The following ZNF831 variants were observed in gnomAD, a reference collection of about 807,000 sequenced individuals.
ZNF831 encodes zinc finger protein 831.
A neutral mutation model predicts 95.8 loss-of-function variants in ZNF831; 59 were observed. That is an observed-to-expected ratio of 0.62 (90% CI 0.50 to 0.77). The LOEUF (loss-of-function observed/expected upper bound fraction) is 0.77, where lower values mean the gene tolerates loss of function less well. ZNF831 is among the 30% of genes least tolerant of loss of function. The probability of loss-of-function intolerance (pLI) is 0.00; values close to 1 mark genes in which losing one functional copy is unlikely to be tolerated. For synonymous variants in ZNF831, 961 were observed against 925.5 expected, an observed-to-expected ratio of 1.04 and a Z score of -0.70; for missense variants, 2,205 against 2,164.0, an observed-to-expected ratio of 1.02 and a Z score of -0.38.
intron 4 of ZNF831, among the ~76,000 whole-genome samples, chr20:59,250,651 A>G (rs1431311614): frequency 1.1e-4 from 17 of 152,204 alleles, no homozygotes; most frequent in Non-Finnish European, 2.5e-4. Context: ...AACGACAACA[A>G]CAACAACCCA....
chr20:59,256,325 T>C lies in ZNF831; in HGVS notation c.*1582T>C, dbSNP rs1446093468. 1 of 152,188 alleles carries C rather than the reference T, an allele frequency of 6.6e-6. No individual in the cohort carries two copies. Among genetic ancestry groups the C allele is most frequent in the African/African-American group, 2.4e-5 (1 of 41,442 alleles). 9.4% of individuals were successfully genotyped at this position (152,188 alleles called of 1,614,324 possible). On this transcript the variant is annotated 3_prime_UTR_variant, in exon 6 of 6. Transcript: ENST00000371030. Reference sequence around the variant, plus strand: ...ACCATTTCATATGCACTCATAAATATCCAAGGATTTCAGGCCCAGCCAAGA... The same window carrying C: ...ACCATTTCATATGCACTCATAAATACCCAAGGATTTCAGGCCCAGCCAAGA...
chr20:59,145,908 G>A (rs1979834910), intron 1 of ZNF831, among the ~76,000 whole-genome samples: 1 of 152,176 alleles, frequency 6.6e-6, no homozygotes, highest in South Asian at 2.1e-4. Flanking sequence ...GAGGAGAGGT[G>A]CAAGGGGAAA....
intron 4 of ZNF831, among the ~76,000 whole-genome samples, chr20:59,244,819 C>T (rs1209512931): frequency 6.6e-6 from 1 of 152,188 alleles, no homozygotes; most frequent in Non-Finnish European, 1.5e-5. Context: ...TAGTGGCATA[C>T]AATCCCCTAG....
Position 59,257,557 on chromosome 20 carries a change from A to C in ZNF831, c.*2814A>C, listed in dbSNP as rs909868058. ...AACAACCTAGAACCCAGTTTGGGTTACTAAAAATAAAATGTCAGTATTATC... is the reference window on the plus strand; with the variant it reads ...AACAACCTAGAACCCAGTTTGGGTTCCTAAAAATAAAATGTCAGTATTATC... On this transcript the variant is annotated 3_prime_UTR_variant, in exon 6 of 6. Coordinates refer to ENST00000371030, the MANE Select transcript of ZNF831 (RefSeq NM_178457.3). The C allele has an allele frequency of 1.3e-5, 2 of 152,236 alleles. No homozygotes were observed. Among genetic ancestry groups the C allele is most frequent in the African/African-American group, 4.8e-5 (2 of 41,476 alleles). The allele number at this position is 152,236 out of a possible 1,614,324, so 9.4% of individuals were successfully genotyped here.
At chr20:59,174,809 C>T (rs1704921394) in intron 1 of ZNF831, among the ~76,000 whole-genome samples, 1 of 152,186 alleles carries the variant, frequency 6.6e-6, no homozygotes, top group Non-Finnish European at 1.5e-5. Context: ...AATGTTTTTA[C>T]CCACTTTTTT....
intron 1 of ZNF831, among the ~76,000 whole-genome samples, chr20:59,185,219 C>T (rs886285200): frequency 6.6e-6 from 1 of 152,132 alleles, no homozygotes; most frequent in East Asian, 1.9e-4. Context: ...TTGAGGTTTT[C>T]CTGAGAAAAG....
At position 59,147,725 on chromosome 20, in the gene ZNF831, C is replaced by T. The variant is rs181472229; in HGVS notation, c.-1281+1351C>T. The stretch of plus-strand genomic sequence containing the variant: ...AGAACATCTTCCAATATAGTTTAGG[C>T]AAAGTGTAATATGTTAGCAAGAACT... On this transcript the variant is annotated intron_variant, in intron 2 of 7. Coordinates refer to the ZNF831 transcript ENST00000637017. Among the ~76,000 whole-genome samples the T allele has an allele frequency of 1.3e-3, 197 of 152,306 alleles. 1 individual carries two copies. Among genetic ancestry groups the T allele is most frequent in the African/African-American group, 4.6e-3 (190 of 41,542 alleles).
At chr20:59,196,062 G>C in intron 3 of ZNF831, 57 bp downstream of exon 3, 4 of 1,594,246 alleles carry the variant, frequency 2.5e-6, no homozygotes, top group Non-Finnish European at 3.4e-6. Context: ...AATTTACTAT[G>C]GGATTTGAAA....
intron 4 of ZNF831, among the ~76,000 whole-genome samples, chr20:59,216,954 A>C (rs1985722588): frequency 6.6e-6 from 1 of 152,300 alleles, no homozygotes; most frequent in Admixed American, 6.5e-5. Flanking sequence ...CTTAAAAAAA[A>C]AAAACTTGGC....
rs944605096 is a variant in ZNF831 at position 59,191,646 on chromosome 20, C to G, written c.627C>G (p.Ala209=). 1.1e-5 allele frequency: 17 copies of G among 1,564,094 alleles called. No homozygotes were observed. The highest frequency in any genetic ancestry group is 4.5e-5 in the East Asian group (2 of 44,404). ...GGCTGTCCTCAGAGTCCGAGGGCGC[C>G]GGGGGCGGCCTCCTGGAGGAAGGGG... ...NSRLSSESEG[A]GGGLLEEGDK... The change falls in exon 2 of 6, where the codon GCC becomes GCG. Residue 209 remains alanine (A), a synonymous_variant. Transcript: ENST00000371030.
At chr20:59,251,308 C>T (rs1467792204) in intron 4 of ZNF831, among the ~76,000 whole-genome samples, 1 of 152,094 alleles carries the variant, frequency 6.6e-6, no homozygotes, top group African/African-American at 2.4e-5. Context: ...AGAAGAGCCT[C>T]GGGGATTCCA....
chr20:59,177,099 G>T (rs530295912), intron 1 of ZNF831, among the ~76,000 whole-genome samples: 1 of 152,284 alleles, frequency 6.6e-6, no homozygotes, highest in African/African-American at 2.4e-5. Context: ...TCTCATCCTT[G>T]TGCTGGCCTT....
At chr20:59,181,095 T>C (rs555307736) in intron 1 of ZNF831, among the ~76,000 whole-genome samples, 2 of 152,276 alleles carry the variant, frequency 1.3e-5, no homozygotes, top group Non-Finnish European at 2.9e-5. Flanking sequence ...TATCTCATTG[T>C]GGTTTTGATT....
At chr20:59,227,420 A>G (rs1363586888) in intron 4 of ZNF831, among the ~76,000 whole-genome samples, 1 of 152,162 alleles carries the variant, frequency 6.6e-6, no homozygotes, top group African/African-American at 2.4e-5. Flanking sequence ...AATGGGACCA[A>G]CTCCACTTGC....
intron 1 of ZNF831, among the ~76,000 whole-genome samples, chr20:59,132,687 C>CT (rs1266415309): frequency 1.2e-4 from 18 of 152,234 alleles, no homozygotes; most frequent in Non-Finnish European, 1.9e-4. Context: ...CTTTTTCATA[C>CT]TTTTTTGTAA....
intron 1 of ZNF831, among the ~76,000 whole-genome samples, chr20:59,139,425 C>T (rs1254886541): frequency 2.6e-5 from 4 of 152,084 alleles, no homozygotes; most frequent in Non-Finnish European, 4.4e-5. Context: ...ACCCAGCCCC[C>T]CTAAAGTTTT....
chr20:59,188,839 G>T (rs1249165665), intron 1 of ZNF831, among the ~76,000 whole-genome samples: 1 of 152,098 alleles, frequency 6.6e-6, no homozygotes, highest in South Asian at 2.1e-4. Flanking sequence ...AGATTTTGAA[G>T]TCAAATTTAT....
At chr20:59,218,355 C>A (rs1985842081) in intron 4 of ZNF831, among the ~76,000 whole-genome samples, 1 of 152,162 alleles carries the variant, frequency 6.6e-6, no homozygotes, top group South Asian at 2.1e-4. Context: ...CTACTGGAGG[C>A]AGAACTTTAA....
At chr20:59,238,525 G>T (rs1987129719) in intron 4 of ZNF831, among the ~76,000 whole-genome samples, 1 of 152,188 alleles carries the variant, frequency 6.6e-6, no homozygotes, top group Admixed American at 6.5e-5. Flanking sequence ...GAGAGGAGCA[G>T]CCAGTCGCCT....
Sources: gnomAD v4.1 joint callset for allele counts (sites outside exome capture counted in the v4.1 genomes callset) on GRCh38, gnomAD v4.1.1 for gene constraint, MANE v1.5 for transcripts, NCBI Gene and HGNC (gene_info 2026-07-23, HGNC 2026-07-21) for gene names.